The following PHF21A variants were observed in gnomAD, a reference collection of about 807,000 sequenced individuals.
The protein encoded by PHF21A is BHC80a.
Under a neutral mutation model 82.5 loss-of-function variants are expected in PHF21A, and 11 were observed. The ratio of observed to expected loss-of-function variants is 0.13; its 90% CI spans 0.08 to 0.22. The LOEUF is 0.22. Among genes scored for constraint, PHF21A ranks in the 10% least tolerant of loss-of-function variants. The probability of loss-of-function intolerance (pLI) is 1.00; values close to 1 mark genes in which losing one functional copy is unlikely to be tolerated. For synonymous variants in PHF21A, 297 were observed against 302.8 expected (o/e 0.98, Z 0.20); for missense variants, 579 against 837.8 (o/e 0.69, Z 3.81).
At chr11:45,986,750 A>G (rs1469688522) in intron 6 of PHF21A, among the ~76,000 whole-genome samples, 2 of 152,228 alleles carry the variant, frequency 1.3e-5, no homozygotes, top group African/African-American at 4.8e-5. Flanking sequence ...TAACTAATGA[A>G]TGACACAATT....
chr11:45,953,512 G>C lies in PHF21A; in HGVS notation c.1095+15C>G, dbSNP rs762322912. 1 of 1,554,198 alleles carries C rather than the reference G, an allele frequency of 6.4e-7. No homozygotes were observed. Among genetic ancestry groups the C allele is most frequent in the Non-Finnish European group, 8.9e-7 (1 of 1,125,560 alleles). On this transcript the variant is annotated intron_variant, in intron 11 of 18. Coordinates refer to ENST00000676320, the MANE Select transcript of PHF21A (RefSeq NM_001352027.3). ...CACCATAGACTGAGACCTGCCTTTGGAAACATAGGCCTACCTGAGGGTTCT... is the reference window on the plus strand; with the variant it reads ...CACCATAGACTGAGACCTGCCTTTGCAAACATAGGCCTACCTGAGGGTTCT...
intron 3 of PHF21A, among the ~76,000 whole-genome samples, chr11:46,088,686 T>A (rs562229112): frequency 1.3e-5 from 2 of 152,370 alleles, no homozygotes; most frequent in Admixed American, 1.3e-4. Context: ...CAAAATTATA[T>A]GAAAAGCCCT....
At chr11:46,033,399 G>C (rs562476055) in intron 6 of PHF21A, among the ~76,000 whole-genome samples, 1 of 152,196 alleles carries the variant, frequency 6.6e-6, no homozygotes, top group East Asian at 1.9e-4. Flanking sequence ...CAAACAGCTG[G>C]GACCACAGGT....
intron 7 of PHF21A, among the ~76,000 whole-genome samples, chr11:45,977,420 T>C (rs1463288746): frequency 6.6e-6 from 1 of 152,144 alleles, no homozygotes; most frequent in Admixed American, 6.5e-5. Flanking sequence ...TACAGGCGTG[T>C]GCCACTGTGC....
intron 6 of PHF21A, among the ~76,000 whole-genome samples, chr11:45,987,533 C>T (rs1056155807): frequency 1.1e-4 from 16 of 149,648 alleles, no homozygotes; most frequent in South Asian, 4.3e-4. Context: ...TAGTGGTGGG[C>T]GCCTGTAATC....
intron 6 of PHF21A, among the ~76,000 whole-genome samples, chr11:46,055,701 C>T (rs767614926): frequency 1.3e-5 from 2 of 152,114 alleles, no homozygotes; most frequent in Non-Finnish European, 2.9e-5. Context: ...CATGGAATCT[C>T]TTTATATAAA....
chr11:45,950,282 A>C (rs771982973), intron 11 of PHF21A, 25 bp from the exon 12 acceptor site: 1 of 1,607,422 alleles, frequency 6.2e-7, no homozygotes, highest in Non-Finnish European at 8.5e-7. Context: ...CAAAAGAAGA[A>C]TATGCTTCAG....
At chr11:46,073,153 C>T (rs902863872) in intron 6 of PHF21A, among the ~76,000 whole-genome samples, 1 of 151,914 alleles carries the variant, frequency 6.6e-6, no homozygotes, top group Non-Finnish European at 1.5e-5. Flanking sequence ...ATGATGAAAC[C>T]CGGTCTCTAC....
chr11:46,071,680 A>G (rs1392794355), intron 6 of PHF21A, among the ~76,000 whole-genome samples: 4 of 152,282 alleles, frequency 2.6e-5, no homozygotes, highest in South Asian at 2.1e-4. Context: ...CATCAGAGAG[A>G]AACACGCATT....
At chr11:45,960,114 G>C (rs1182918812) in intron 10 of PHF21A, among the ~76,000 whole-genome samples, 1 of 152,226 alleles carries the variant, frequency 6.6e-6, no homozygotes, top group East Asian at 1.9e-4. Context: ...GTGGAAAACA[G>C]TTTGGCAGTT....
intron 4 of PHF21A, among the ~76,000 whole-genome samples, chr11:46,079,694 G>A (rs536651831): frequency 2.3e-4 from 35 of 152,298 alleles, no homozygotes; most frequent in African/African-American, 8.2e-4. Context: ...CAGTGGGGCA[G>A]TGATGCTCAG....
chr11:45,963,610 T>A (rs1426963921), intron 10 of PHF21A, among the ~76,000 whole-genome samples: 1 of 152,168 alleles, frequency 6.6e-6, no homozygotes, highest in African/African-American at 2.4e-5. Flanking sequence ...ACTTGTACTA[T>A]CTTTGTAATC....
chr11:46,049,533 T>C (rs766124618), intron 6 of PHF21A: 3 of 455,500 alleles, frequency 6.6e-6, no homozygotes, highest in East Asian at 7.0e-5. Context: ...GAAGGTCAGG[T>C]AGAAGAGGGT....
chr11:46,026,298 TA>T (rs2095744424), intron 6 of PHF21A, among the ~76,000 whole-genome samples: 2 of 152,148 alleles, frequency 1.3e-5, no homozygotes, highest in South Asian at 4.1e-4. Flanking sequence ...AAATGTGCCT[TA>T]GGGGGAAACT....
At chr11:46,032,783 A>G (rs1331834287) in intron 6 of PHF21A, among the ~76,000 whole-genome samples, 1 of 152,214 alleles carries the variant, frequency 6.6e-6, no homozygotes, top group African/African-American at 2.4e-5. Context: ...GTTCTAATTT[A>G]TAATTCCTAT....
intron 6 of PHF21A, among the ~76,000 whole-genome samples, chr11:45,993,876 G>A (rs911550287): frequency 3.3e-5 from 5 of 151,918 alleles, no homozygotes; most frequent in South Asian, 2.1e-4. Flanking sequence ...CTGTTACACC[G>A]ACAGTGCCTA....
chr11:45,948,255 T>C (rs2091583693), intron 14 of PHF21A, among the ~76,000 whole-genome samples: 1 of 152,208 alleles, frequency 6.6e-6, no homozygotes, highest in African/African-American at 2.4e-5. Flanking sequence ...GCTACTGCTA[T>C]TTTTTCTGCT....
chr11:46,091,758 G>A (rs1195879743), intron 2 of PHF21A, among the ~76,000 whole-genome samples: 1 of 152,168 alleles, frequency 6.6e-6, no homozygotes, highest in African/African-American at 2.4e-5. Flanking sequence ...TTTGTTGCCA[G>A]CTTCAAGCTG....
At chr11:45,962,657 C>T (rs12224582) in intron 10 of PHF21A, among the ~76,000 whole-genome samples, 107,897 of 124,038 alleles carry the variant, frequency 0.87, 47,374 homozygotes, top group East Asian at 0.99. Flanking sequence ...TTTGGGAGGC[C>T]AAGGCAGGTG....
Sources: allele counts gnomAD v4.1 joint callset (sites outside exome capture counted in the v4.1 genomes callset), GRCh38; gene constraint gnomAD v4.1.1; transcripts MANE v1.5; gene names NCBI Gene and HGNC (gene_info 2026-07-23, HGNC 2026-07-21).